Variants in MYLK3 observed in about 807,000 individuals in gnomAD.
MYLK3 encodes myosin light chain kinase 3.
A neutral mutation model predicts 76.3 loss-of-function variants in MYLK3; 55 were observed. The ratio of observed to expected loss-of-function variants is 0.72; its 90% CI spans 0.58 to 0.90. The LOEUF is 0.90. MYLK3 is among the 40% of genes least tolerant of loss of function. The pLI is 0.00. For synonymous variants in MYLK3, 416 were observed against 425.4 expected (o/e 0.98, Z 0.27); for missense variants, 973 against 1,053.6 (o/e 0.92, Z 1.06).
At chr16:46,722,805 G>A (rs1408097064) in intron 8 of MYLK3, among the ~76,000 whole-genome samples, 1 of 152,190 alleles carries the variant, frequency 6.6e-6, no homozygotes. Flanking sequence ...CGCCTCCCAG[G>A]TTCAAGTGAT....
At position 46,706,331 on chromosome 16, in the gene MYLK3, T is replaced by C. The variant is rs1966626137; in HGVS notation, c.*1373A>G. 3 of 151,060 alleles carry C rather than the reference T, an allele frequency of 2.0e-5. No individual in the cohort carries two copies. The highest frequency in any genetic ancestry group is 4.2e-4 in the South Asian group (2 of 4,762). 9.4% of individuals were successfully genotyped at this position (151,060 alleles called of 1,614,324 possible). A position where few individuals can be genotyped will look rare whatever the true frequency, so the allele number is the denominator to read the frequency against. On this transcript the variant is annotated 3_prime_UTR_variant, in exon 13 of 13. Transcript: ENST00000394809. ...TTTTTTGAGACGGAGTCTTGCTCTG[T>C]TGCCTAGGCTGGAGTGCAGTGGTGC...
chr16:46,712,992 C>T (rs1383158562), intron 9 of MYLK3, among the ~76,000 whole-genome samples: 1 of 152,130 alleles, frequency 6.6e-6, no homozygotes, highest in African/African-American at 2.4e-5. Flanking sequence ...ATCAGAAAAC[C>T]ACAGTCTTCC....
At chr16:46,749,817 G>A (rs554029364), upstream of MYLK3, among the ~76,000 whole-genome samples, 5 of 152,310 alleles carry the variant, frequency 3.3e-5, no homozygotes, top group East Asian at 3.9e-4. Context: ...AGCTTGCTAT[G>A]CAAATGCAGC....
intron 9 of MYLK3, among the ~76,000 whole-genome samples, chr16:46,718,383 G>A (rs1158122769): frequency 1.3e-5 from 2 of 152,082 alleles, no homozygotes; most frequent in East Asian, 1.9e-4. Flanking sequence ...ACCCTGTCTC[G>A]TGGGATGATG....
intron 9 of MYLK3, among the ~76,000 whole-genome samples, chr16:46,718,578 T>C (rs1966768462): frequency 6.6e-6 from 1 of 152,240 alleles, no homozygotes; most frequent in Non-Finnish European, 1.5e-5. Flanking sequence ...CGCGCGGCTC[T>C]GCATCCAGGG....
intron 10 of MYLK3, 77 bp from the exon 11 acceptor site, chr16:46,710,866 C>A: frequency 6.3e-7 from 1 of 1,579,250 alleles, no homozygotes. Context: ...GAGAAGCTTA[C>A]AGAGTTCAAG....
rs1198700803 is a variant in MYLK3 at position 46,707,393 on chromosome 16, G to A, written c.*311C>T. On this transcript the variant is annotated 3_prime_UTR_variant, in exon 13 of 13. Coordinates refer to ENST00000394809, the MANE Select transcript of MYLK3 (RefSeq NM_182493.3). ...GAGTTCCTTAATCAGTGTGAGTTTAGAATTTAAATTCGACAGATGCAAAGT... is the reference window on the plus strand; with the variant it reads ...GAGTTCCTTAATCAGTGTGAGTTTAAAATTTAAATTCGACAGATGCAAAGT... 2.0e-5 allele frequency: 5 copies of A among 246,702 alleles called. No homozygotes were observed. Among genetic ancestry groups the A allele is most frequent in the Non-Finnish European group, 3.8e-5 (5 of 129,900 alleles). The allele number at this position is 246,702 out of a possible 1,614,324, so 15.3% of individuals were successfully genotyped here.
At chr16:46,739,125 G>C (rs1966890619) in intron 2 of MYLK3, among the ~76,000 whole-genome samples, 1 of 152,058 alleles carries the variant, frequency 6.6e-6, no homozygotes, top group African/African-American at 2.4e-5. Flanking sequence ...ACAGGTGTGA[G>C]CCACCGTGCC....
chr16:46,727,437 A>G (rs1966844888), intron 7 of MYLK3, 60 bp from the exon 8 acceptor site: 2 of 1,543,448 alleles, frequency 1.3e-6, no homozygotes, highest in Admixed American at 3.6e-5. Flanking sequence ...GGGCTTGTCC[A>G]CTGTCATTAT....
At chr16:46,736,205 G>A (rs1015324779) in intron 3 of MYLK3, among the ~76,000 whole-genome samples, 3 of 152,084 alleles carry the variant, frequency 2.0e-5, no homozygotes, top group Non-Finnish European at 4.4e-5. Context: ...TAGAGATAGG[G>A]TCTTGCTTTG....
chr16:46,736,380 A>T (rs1966868511), intron 3 of MYLK3, among the ~76,000 whole-genome samples: 1 of 152,162 alleles, frequency 6.6e-6, no homozygotes, highest in Non-Finnish European at 1.5e-5. Context: ...TTTCCTCAAA[A>T]TACACCCATG....
At chr16:46,711,251 C>T (rs150778141) in intron 10 of MYLK3, among the ~76,000 whole-genome samples, 153 of 152,294 alleles carry the variant, frequency 1.0e-3, no homozygotes, top group Middle Eastern at 3.4e-3. Flanking sequence ...GACACCCTGA[C>T]GGCCAGCCTC....
At chr16:46,749,815 A>G (rs1454140716), upstream of MYLK3, among the ~76,000 whole-genome samples, 1 of 152,216 alleles carries the variant, frequency 6.6e-6, no homozygotes, top group African/African-American at 2.4e-5. Flanking sequence ...TGAGCTTGCT[A>G]TGCAAATGCA....
intron 1 of MYLK3, among the ~76,000 whole-genome samples, chr16:46,740,655 G>A (rs529990477): frequency 1.3e-5 from 2 of 149,466 alleles, no homozygotes; most frequent in African/African-American, 4.9e-5. Flanking sequence ...AGGTTCAAAC[G>A]ACCCTCCCAG....
At chr16:46,720,687 G>A (rs922220654) in intron 9 of MYLK3, among the ~76,000 whole-genome samples, 4 of 152,090 alleles carry the variant, frequency 2.6e-5, no homozygotes. Context: ...TACCCATGGC[G>A]CCACCCAACA....
chr16:46,717,600 C>A (rs553562036), intron 9 of MYLK3, among the ~76,000 whole-genome samples: 6 of 152,122 alleles, frequency 3.9e-5, no homozygotes, highest in East Asian at 1.9e-4. Context: ...GCGCCCCCCC[C>A]ACCTCCCCTC....
chr16:46,736,700 C>T (rs1966869822), intron 3 of MYLK3, among the ~76,000 whole-genome samples: 1 of 152,294 alleles, frequency 6.6e-6, no homozygotes, highest in East Asian at 1.9e-4. Flanking sequence ...TGCCTGTCAC[C>T]ACAGCAAACA....
chr16:46,724,019 T>C (rs1966825491), intron 8 of MYLK3, among the ~76,000 whole-genome samples: 2 of 152,246 alleles, frequency 1.3e-5, no homozygotes, highest in Non-Finnish European at 1.5e-5. Context: ...AAATAGTATC[T>C]CATTCTGATT....
At chr16:46,753,223 T>C (rs1967150937), upstream of MYLK3, among the ~76,000 whole-genome samples, 1 of 152,104 alleles carries the variant, frequency 6.6e-6, no homozygotes. Flanking sequence ...ATACCCCCGG[T>C]AGGGTAAATG....
Sources: gnomAD v4.1 joint callset for allele counts (sites outside exome capture counted in the v4.1 genomes callset) on GRCh38, gnomAD v4.1.1 for gene constraint, MANE v1.5 for transcripts, NCBI Gene and HGNC (gene_info 2026-07-23, HGNC 2026-07-21) for gene names.